ARHGEF28: variants seen among roughly 807,000 people sequenced by gnomAD.
The protein encoded by ARHGEF28 is Rho guanine nucleotide exchange factor 28.
ARHGEF28 carries 152 observed loss-of-function variants against 206.6 expected under a neutral mutation model. The ratio of observed to expected loss-of-function variants is 0.74; its 90% CI spans 0.64 to 0.84. The LOEUF (loss-of-function observed/expected upper bound fraction) is 0.84. Among genes scored for constraint, ARHGEF28 ranks in the 40% least tolerant of loss-of-function variants. ARHGEF28 has a pLI of 0.00. For synonymous variants in ARHGEF28, 763 were observed against 776.4 expected (o/e 0.98, Z 0.29); for missense variants, 2,028 against 2,073.2 (o/e 0.98, Z 0.42).
intron 2 of ARHGEF28, among the ~76,000 whole-genome samples, chr5:73,690,130 GTCT>G (rs1335183795): frequency 6.6e-6 from 1 of 152,050 alleles, no homozygotes; most frequent in Non-Finnish European, 1.5e-5. Flanking sequence ...ATTGCTCTTA[GTCT>G]TCTTTTTCCT....
chr5:73,730,198 C>T (rs1156573089), intron 2 of ARHGEF28, among the ~76,000 whole-genome samples: 1 of 152,172 alleles, frequency 6.6e-6, no homozygotes, highest in African/African-American at 2.4e-5. Flanking sequence ...ATGAAATCTA[C>T]TCAACTTATC....
intron 35 of ARHGEF28, among the ~76,000 whole-genome samples, chr5:73,936,646 C>T (rs1191445527): frequency 6.6e-6 from 1 of 152,138 alleles, no homozygotes. Context: ...CAATGACTTG[C>T]CTGAGATTAC....
At position 73,794,450 on chromosome 5, in the gene ARHGEF28, T is replaced by C; in HGVS notation, c.959T>C (p.Ile320Thr). The stretch of plus-strand genomic sequence containing the variant: ...AGATCAGCAGCTGAAAAGGAAGATA[T>C]AAAGGTAATGAATGACTCCCTGCTT... ...SSRSAAEKED[I>T]KRVKSLVVQH... is the part of the protein sequence containing the mutation. The change falls in exon 8 of 36, where the codon ATA (isoleucine) becomes ACA (threonine). Residue 320 changes from isoleucine to threonine, a missense_variant. By Grantham distance (89) the Ile-to-Thr change is moderately conservative. This residue lies in a region of ARHGEF28 where 1,002 missense variants were observed against 1,015.3 expected (regional missense o/e 0.99). Transcript: ENST00000513042. The C allele has an allele frequency of 6.3e-7, 1 of 1,598,722 alleles. No homozygotes were observed. Among genetic ancestry groups the C allele is most frequent in the South Asian group, 1.1e-5 (1 of 88,390 alleles).
intron 26 of ARHGEF28, among the ~76,000 whole-genome samples, chr5:73,888,600 A>G (rs1459620858): frequency 6.6e-6 from 1 of 152,228 alleles, no homozygotes; most frequent in East Asian, 1.9e-4. Flanking sequence ...AGAAAAGCAA[A>G]TTCTGCTTCT....
At chr5:73,875,966 G>T (rs1163689649) in intron 22 of ARHGEF28, among the ~76,000 whole-genome samples, 2 of 151,692 alleles carry the variant, frequency 1.3e-5, no homozygotes, top group Non-Finnish European at 2.9e-5. Flanking sequence ...GAAAGTCATT[G>T]CTAGCTTGAT....
chr5:73,634,229 C>T (rs1296791471), intron 1 of ARHGEF28, among the ~76,000 whole-genome samples: 1 of 152,110 alleles, frequency 6.6e-6, no homozygotes, highest in Non-Finnish European at 1.5e-5. Context: ...TCTATGCAAA[C>T]TTCAGTTCAG....
chr5:73,918,286 C>A (rs773857498), intron 35 of ARHGEF28, among the ~76,000 whole-genome samples: 1 of 152,162 alleles, frequency 6.6e-6, no homozygotes, highest in Non-Finnish European at 1.5e-5. Context: ...CAGCCATAGA[C>A]AATATGTAAA....
chr5:73,817,787 G>A lies in ARHGEF28; in HGVS notation c.1025-14551G>A, dbSNP rs566685175. ...CACTCGAGAGTGTCCTTCCTGGTAT[G>A]TTTCACCACCTCTTAGTAGCGGTAA... On this transcript the variant is annotated intron_variant, in intron 9 of 35. Coordinates refer to ENST00000513042, the MANE Select transcript of ARHGEF28 (RefSeq NM_001177693.2). Among the ~76,000 whole-genome samples the A allele has an allele frequency of 7.9e-5, 12 of 152,218 alleles. No homozygotes were observed. The East Asian group carries it at 1.9e-3, about 25-fold the overall frequency.
Position 73,929,804 on chromosome 5 carries a change from A to G in ARHGEF28, c.4949-11040A>G, listed in dbSNP as rs116025512. Among the ~76,000 whole-genome samples the G allele has an allele frequency of 7.0e-3, 1,065 of 152,270 alleles. 16 individuals are homozygous for G. The highest frequency in any genetic ancestry group is 0.024 in the African/African-American group (995 of 41,552). On this transcript the variant is annotated intron_variant, in intron 35 of 35. Coordinates refer to ENST00000513042, the MANE Select transcript of ARHGEF28 (RefSeq NM_001177693.2). ...AGTTGGTGGATATGATTTCCACAGT[A>G]TGTGTCTGTGTTACCGCTACATTTT...
At chr5:73,657,119 G>A (rs1160154661) in intron 1 of ARHGEF28, among the ~76,000 whole-genome samples, 1 of 147,230 alleles carries the variant, frequency 6.8e-6, no homozygotes, top group Admixed American at 6.9e-5. Context: ...TTTGCAGTGA[G>A]CCGAGATTGC....
chr5:73,776,280 T>TA, intron 5 of ARHGEF28, among the ~76,000 whole-genome samples: 1 of 152,358 alleles, frequency 6.6e-6, no homozygotes, highest in South Asian at 2.1e-4. Context: ...TGTAAACCTT[T>TA]AAAGTATGTA....
chr5:73,724,040 C>T (rs78374697), intron 2 of ARHGEF28, among the ~76,000 whole-genome samples: 1 of 152,234 alleles, frequency 6.6e-6, no homozygotes, highest in Non-Finnish European at 1.5e-5. Flanking sequence ...GTGCCAGGGT[C>T]TGCGGGGGCA....
intron 2 of ARHGEF28, among the ~76,000 whole-genome samples, chr5:73,748,674 C>T (rs1335901965): frequency 6.6e-6 from 1 of 152,070 alleles, no homozygotes; most frequent in Non-Finnish European, 1.5e-5. Context: ...TTTTGTTGGA[C>T]AAGCACACAA....
chr5:73,706,161 A>G (rs1259952474), intron 2 of ARHGEF28, among the ~76,000 whole-genome samples: 1 of 152,026 alleles, frequency 6.6e-6, no homozygotes, highest in East Asian at 1.9e-4. Flanking sequence ...AATAGCCCGG[A>G]CAGGAAGCAG....
intron 1 of ARHGEF28, among the ~76,000 whole-genome samples, chr5:73,626,790 A>G (rs568474814): frequency 6.6e-6 from 1 of 152,380 alleles, no homozygotes; most frequent in East Asian, 1.9e-4. Flanking sequence ...AGCTCAGGAC[A>G]CACGCACTAC....
intron 9 of ARHGEF28, among the ~76,000 whole-genome samples, chr5:73,806,827 T>G (rs1410984374): frequency 6.8e-6 from 1 of 146,194 alleles, no homozygotes; most frequent in East Asian, 2.0e-4. Flanking sequence ...ATATACGATA[T>G]ATCGTATATA....
At position 73,658,270 on chromosome 5, in the gene ARHGEF28, G is replaced by T. The variant is rs143798875; in HGVS notation, c.-11-26571G>T. On this transcript the variant is annotated intron_variant, in intron 1 of 35. Transcript: ENST00000513042. ...TCTTTACTCTAATGTTCATTACCTG[G>T]CATTGGCTGTTTCGCCCTGTGCTTC... Among the ~76,000 whole-genome samples the T allele has an allele frequency of 2.4e-3, 367 of 152,124 alleles. 1 individual carries two copies. Among genetic ancestry groups the T allele is most frequent in the Non-Finnish European group, 3.4e-3 (231 of 68,026 alleles).
intron 6 of ARHGEF28, chr5:73,780,350 C>T (rs868587761): frequency 2.7e-5 from 8 of 294,352 alleles, no homozygotes; most frequent in South Asian, 4.2e-5. Context: ...AGGCCAGAAG[C>T]CCTTCTTTCT....
chr5:73,814,952 T>G (rs954272066), intron 9 of ARHGEF28, among the ~76,000 whole-genome samples: 1 of 152,178 alleles, frequency 6.6e-6, no homozygotes. Flanking sequence ...AATTCTATCA[T>G]TGAAGACTTT....
Sources: gnomAD v4.1 joint callset for allele counts (sites outside exome capture counted in the v4.1 genomes callset) on GRCh38, gnomAD v4.1.1 for gene constraint, gnomAD v4.1.1 regional missense constraint, MANE v1.5 for transcripts, NCBI Gene and HGNC (gene_info 2026-07-23, HGNC 2026-07-21) for gene names.